DHTKD1: variants seen among roughly 807,000 people sequenced by gnomAD.
The protein encoded by DHTKD1 is dehydrogenase E1 and transketolase domain containing 1.
Under a neutral mutation model 101.8 loss-of-function variants are expected in DHTKD1, and 78 were observed. The observed-to-expected ratio is 0.77, with a 90% CI of 0.64 to 0.93. DHTKD1 has a LOEUF of 0.93. Among genes scored for constraint, DHTKD1 ranks in the 40% least tolerant of loss-of-function variants. DHTKD1 has a pLI of 0.00. For missense variants in DHTKD1, 1,223 were observed against 1,161.7 expected, an observed-to-expected ratio of 1.05 and a Z score of -0.77; for synonymous variants, 462 against 450.3, an observed-to-expected ratio of 1.03 and a Z score of -0.33.
At chr10:12,075,516 A>G (rs529910245) in intron 1 of DHTKD1, among the ~76,000 whole-genome samples, 1 of 152,224 alleles carries the variant, frequency 6.6e-6, no homozygotes, top group South Asian at 2.1e-4. Context: ...CTGGGATTAC[A>G]GGCATGAGCC....
rs1298494353 is a variant in DHTKD1 at position 12,122,069 on chromosome 10, C to G, written c.*1181C>G. The G allele has an allele frequency of 6.6e-6, 1 of 152,174 alleles. No individual in the cohort carries two copies. Among genetic ancestry groups the G allele is most frequent in the Non-Finnish European group, 1.5e-5 (1 of 68,034 alleles). The allele number at this position is 152,174 out of a possible 1,614,324, so 9.4% of individuals were successfully genotyped here. On this transcript the variant is annotated 3_prime_UTR_variant, in exon 17 of 17. Transcript: ENST00000263035. ...AAGTGTCTCCCCAACACTAGCAAAT[C>G]TAGGTCCTACTAAATACAAATCTCT... is the stretch of plus-strand genomic sequence containing the variant.
At chr10:12,085,642 G>T (rs1197817937) in intron 3 of DHTKD1, among the ~76,000 whole-genome samples, 1 of 152,098 alleles carries the variant, frequency 6.6e-6, no homozygotes, top group Admixed American at 6.6e-5. Flanking sequence ...CCTTTGGGAG[G>T]CTTAGGTGGG....
chr10:12,089,591 A>G (rs1196824160), intron 5 of DHTKD1, among the ~76,000 whole-genome samples: 2 of 151,892 alleles, frequency 1.3e-5, no homozygotes, highest in Non-Finnish European at 2.9e-5. Context: ...TCCCATACAT[A>G]TAACAAGACA....
At chr10:12,106,987 CTT>C (rs1184296488) in intron 11 of DHTKD1, among the ~76,000 whole-genome samples, 15 of 141,604 alleles carry the variant, frequency 1.1e-4, no homozygotes, top group Admixed American at 2.1e-4. Flanking sequence ...TTTTTCTTTT[CTT>C]TTTTTTTTTT....
chr10:12,115,501 T>C (rs1833401893), intron 13 of DHTKD1, among the ~76,000 whole-genome samples: 1 of 152,194 alleles, frequency 6.6e-6, no homozygotes, highest in South Asian at 2.1e-4. Context: ...TTAAACTTTT[T>C]GCACTAGGTA....
rs1833270983 is a variant in DHTKD1, at chr10:12,107,678, A to G, written c.2048-231A>G. Among the ~76,000 whole-genome samples, 1 of 152,080 alleles carries G rather than the reference A, an allele frequency of 6.6e-6. No homozygotes were observed. Among genetic ancestry groups the G allele is most frequent in the Non-Finnish European group, 1.5e-5 (1 of 68,022 alleles). ...AGTGATCTATCCGCCTCAGCCTCCC[A>G]AAGTGCTGGGATTACAGGTGTGAGC... is the stretch of plus-strand genomic sequence containing the variant. On this transcript the variant is annotated intron_variant, in intron 11 of 16. Transcript: ENST00000263035. This position sits in a 1 kb window ranked among gnomAD's most constrained non-coding sequence, Gnocchi z 4.1.
At chr10:12,090,074 A>T (rs953126129) in intron 5 of DHTKD1, among the ~76,000 whole-genome samples, 1 of 151,890 alleles carries the variant, frequency 6.6e-6, no homozygotes, top group Non-Finnish European at 1.5e-5. Flanking sequence ...CCTGTCTCCC[A>T]GTTTTTGGTA....
rs2131622413 is a variant in DHTKD1 at position 12,110,333 on chromosome 10, C to T, written c.2154+2318C>T. ...ATGTGGTCCAATACAAATTCATAAACTTTCTTAAAACATTATTTGTGATTT... is the reference window on the plus strand; with the variant it reads ...ATGTGGTCCAATACAAATTCATAAATTTTCTTAAAACATTATTTGTGATTT... On this transcript the variant is annotated intron_variant, in intron 12 of 16. Transcript: ENST00000263035. This position sits in a 1 kb window ranked among gnomAD's most constrained non-coding sequence, Gnocchi z 4.9. 6.6e-6 allele frequency among the ~76,000 whole-genome samples: 1 copy of T among 152,034 alleles called. No homozygotes were observed. The highest frequency in any genetic ancestry group is 1.9e-4 in the East Asian group (1 of 5,170).
chr10:12,112,670 T>A lies in DHTKD1; in HGVS notation c.2155-230T>A, dbSNP rs909905581. Among the ~76,000 whole-genome samples the A allele has an allele frequency of 3.3e-5, 5 of 152,180 alleles. 1 individual carries two copies. The highest frequency in any genetic ancestry group is 9.6e-5 in the African/African-American group (4 of 41,452). ...TGCTATCAGCCGTGTTTGGGAACAA[T>A]TGTGTTAGATGACACAGAATTGGGC... On this transcript the variant is annotated intron_variant, in intron 12 of 16. Transcript: ENST00000263035.
rs368615319 is a variant in DHTKD1, at chr10:12,084,520, C to G, written c.311-20C>G. The G allele has an allele frequency of 2.3e-5, 33 of 1,446,794 alleles. No homozygotes were observed. The highest frequency in any genetic ancestry group is 5.0e-5 in the Admixed American group (3 of 59,470). 89.6% of individuals were successfully genotyped at this position (1,446,794 alleles called of 1,614,324 possible). On this transcript the variant is annotated intron_variant, in intron 2 of 16. Transcript: ENST00000263035. The stretch of plus-strand genomic sequence containing the variant: ...AACATGATTATTTTTTAAGATGACC[C>G]CTTTGATTGTATTTCACAGGATTAT...
At chr10:12,096,866 C>T (rs1287090592) in intron 7 of DHTKD1, among the ~76,000 whole-genome samples, 2 of 152,078 alleles carry the variant, frequency 1.3e-5, no homozygotes, top group Non-Finnish European at 2.9e-5. Context: ...GGGTTCCATA[C>T]CTTTTTAGAT....
chr10:12,089,781 C>T (rs1483179812), intron 5 of DHTKD1, among the ~76,000 whole-genome samples: 1 of 151,996 alleles, frequency 6.6e-6, no homozygotes, highest in African/African-American at 2.4e-5. Flanking sequence ...AGTGATTCTC[C>T]TGCCTCAGCC....
chr10:12,072,011 T>C (rs1245404690), intron 1 of DHTKD1, among the ~76,000 whole-genome samples: 1 of 152,194 alleles, frequency 6.6e-6, no homozygotes, highest in African/African-American at 2.4e-5. Flanking sequence ...ATGAGATCTT[T>C]CTATGTCACC....
chr10:12,108,045 A>G (rs1242929744), intron 12 of DHTKD1, 30 bp downstream of exon 12: 1 of 1,541,922 alleles, frequency 6.5e-7, no homozygotes, highest in East Asian at 2.3e-5. Flanking sequence ...GAGTCAATGA[A>G]TCATTTTCCT....
At chr10:12,113,191 A>G in intron 13 of DHTKD1, 127 bp downstream of exon 13, 1 of 938,178 alleles carries the variant, frequency 1.1e-6, no homozygotes, top group Non-Finnish European at 1.5e-6. Flanking sequence ...TGACTTTGCT[A>G]CTTTCATTTT....
intron 15 of DHTKD1, 131 bp from the exon 16 acceptor site, chr10:12,120,051 G>C: frequency 1.5e-6 from 1 of 689,574 alleles, no homozygotes; most frequent in Non-Finnish European, 2.6e-6. Context: ...TTGAAGTACA[G>C]TTTCTAGTGA....
chr10:12,097,823 C>G lies in DHTKD1; in HGVS notation c.1498C>G (p.Pro500Ala). The change falls in exon 8 of 17, where the codon CCC becomes GCC. Residue 500 changes from proline to alanine, a missense_variant. By Grantham distance (27) the Pro-to-Ala change is conservative (BLOSUM62 -1). Transcript: ENST00000263035. ...DHLNNMAHYR[P>A]PALNLQAHWQ... ...CTTAAATAACATGGCCCACTACAGG[C>G]CCCCTGCCCTGAACCTGCAGGCCCA... The G allele has an allele frequency of 6.2e-7, 1 of 1,614,216 alleles. No homozygotes were observed. The highest frequency in any genetic ancestry group is 1.3e-5 in the African/African-American group (1 of 75,050).
intron 5 of DHTKD1, 52 bp downstream of exon 5, chr10:12,089,307 TGTGTGG>T (rs1832953872): frequency 1.3e-6 from 2 of 1,565,810 alleles, no homozygotes; most frequent in Non-Finnish European, 1.7e-6. Flanking sequence ...CTGGGAAGAA[TGTGTGG>T]GTTGGGAGGG....
intron 6 of DHTKD1, among the ~76,000 whole-genome samples, chr10:12,092,477 A>G (rs536517243): frequency 3.3e-5 from 5 of 152,234 alleles, no homozygotes; most frequent in Admixed American, 6.6e-5. Flanking sequence ...GATGTGTTCA[A>G]CCACTAAACT....
Sources: allele counts gnomAD v4.1 joint callset (sites outside exome capture counted in the v4.1 genomes callset), GRCh38; gene constraint gnomAD v4.1.1; non-coding constraint Gnocchi (gnomAD v3.1); transcripts MANE v1.5; gene names NCBI Gene and HGNC (gene_info 2026-07-23, HGNC 2026-07-21).